The following VCF2 variants were observed in gnomAD, a reference collection of about 807,000 sequenced individuals.
The protein encoded by VCF2 is protein VCF2.
the VCF2 span, among the ~76,000 whole-genome samples, chrX:55,149,174 GTTT>G: frequency 4.4e-5 from 4 of 90,193 alleles, no homozygotes; most frequent in East Asian, 6.8e-4. Flanking sequence ...ACTGCAGGAG[GTTT>G]TTTTTTTTTT....
chrX:55,159,619 ATG>A, the VCF2 span, among the ~76,000 whole-genome samples: 2 of 112,285 alleles, frequency 1.8e-5, no homozygotes. Flanking sequence ...ATCGTAAGAC[ATG>A]TGTGTCTGCC....
chrX:55,147,874 T>C, the VCF2 span, among the ~76,000 whole-genome samples: 1 of 110,848 alleles, frequency 9.0e-6, no homozygotes, highest in East Asian at 2.8e-4. Context: ...TTTTAAAAGT[T>C]TTTAAACTCA....
chrX:55,146,416 T>C, the VCF2 span: 2 of 724,252 alleles, frequency 2.8e-6, no homozygotes, highest in Non-Finnish European at 4.2e-6. Flanking sequence ...GGCTTAATGG[T>C]TTTTACAAAG....
chrX:55,144,537 C>T, the VCF2 span, among the ~76,000 whole-genome samples: 1 of 111,568 alleles, frequency 9.0e-6, no homozygotes, highest in African/African-American at 3.3e-5. Flanking sequence ...TAAAATTCTA[C>T]TGCAAGTATC....
the VCF2 span, chrX:55,160,768 A>G: frequency 9.2e-7 from 1 of 1,090,444 alleles, no homozygotes. Context: ...AGGAAATGCC[A>G]ATTTGAAAAA....
At chrX:55,147,634 G>GTTTTTT in the VCF2 span, among the ~76,000 whole-genome samples, 203 of 54,072 alleles carry the variant, frequency 3.8e-3, no homozygotes, top group East Asian at 0.01. Context: ...GGCTTTCCTT[G>GTTTTTT]TTTTTTTTTT....
the VCF2 span, among the ~76,000 whole-genome samples, chrX:55,147,647 T>TTC: frequency 2.0e-5 from 2 of 98,065 alleles, no homozygotes; most frequent in Non-Finnish European, 4.1e-5. Context: ...TTTTTTTTTT[T>TTC]TTTTTTTTTT....
chrX:55,155,999 T>C, the VCF2 span, among the ~76,000 whole-genome samples: 1 of 101,438 alleles, frequency 9.9e-6, no homozygotes, highest in Non-Finnish European at 2.0e-5. Flanking sequence ...GCTAGAGTGC[T>C]AGAGTGCAGT....
the VCF2 span, chrX:55,160,933 G>A: frequency 8.6e-7 from 1 of 1,163,565 alleles, no homozygotes; most frequent in Non-Finnish European, 1.1e-6. Context: ...GAAGGGCGGG[G>A]CACGAGGCAA....
At chrX:55,147,634 GTTTTTTTTTTTTT>G in the VCF2 span, among the ~76,000 whole-genome samples, 2 of 54,091 alleles carry the variant, frequency 3.7e-5, no homozygotes, top group Non-Finnish European at 6.3e-5. Context: ...GGCTTTCCTT[GTTTTTTTTTTTTT>G]TTTTTTTTTT....
At chrX:55,151,449 C>T in the VCF2 span, among the ~76,000 whole-genome samples, 1 of 112,727 alleles carries the variant, frequency 8.9e-6, no homozygotes, top group Non-Finnish European at 1.9e-5. Flanking sequence ...TGGGTATTTA[C>T]AGGCACAGAT....
chrX:55,155,941 C>CTTTTTTTTTTTTTTT, the VCF2 span, among the ~76,000 whole-genome samples: 2 of 50,531 alleles, frequency 4.0e-5, no homozygotes, highest in Non-Finnish European at 9.0e-5. Context: ...TCTTCTTCTT[C>CTTTTTTTTTTTTTTT]TTTTTTTTTT....
the VCF2 span, among the ~76,000 whole-genome samples, chrX:55,156,712 G>A: frequency 1.8e-5 from 2 of 111,720 alleles, no homozygotes; most frequent in East Asian, 5.5e-4. Flanking sequence ...CAGACACTGA[G>A]TTGTAAGTTA....
the VCF2 span, among the ~76,000 whole-genome samples, chrX:55,157,745 C>T: frequency 1.8e-5 from 2 of 111,916 alleles, no homozygotes; most frequent in Non-Finnish European, 3.8e-5. Flanking sequence ...TCTTTTCCTA[C>T]TCTATACAGT....
chrX:55,159,254 T>C, the VCF2 span: 54 of 1,129,301 alleles, frequency 4.8e-5, no homozygotes, highest in African/African-American at 8.9e-4. Flanking sequence ...AAAGAGAGAG[T>C]TGTTACATGA....
chrX:55,160,560 G>A, the VCF2 span, among the ~76,000 whole-genome samples: 2 of 111,867 alleles, frequency 1.8e-5, no homozygotes, highest in South Asian at 3.7e-4. Flanking sequence ...CTGGGTGATC[G>A]GACTGTGGAT....
At chrX:55,160,227 G>C in the VCF2 span, among the ~76,000 whole-genome samples, 2 of 112,380 alleles carry the variant, frequency 1.8e-5, no homozygotes, top group Admixed American at 1.9e-4. Flanking sequence ...CACTCCTCCA[G>C]GTGCCAGGAT....
the VCF2 span, chrX:55,144,017 CTG>C: frequency 6.5e-6 from 2 of 308,030 alleles, no homozygotes; most frequent in Non-Finnish European, 1.2e-5. Context: ...AACACTTTTT[CTG>C]TGTGTATGTA....
the VCF2 span, among the ~76,000 whole-genome samples, chrX:55,147,978 A>G: frequency 9.0e-6 from 1 of 111,459 alleles, no homozygotes; most frequent in African/African-American, 3.2e-5. Context: ...TTTAAAAACA[A>G]AGAAGTATTT....
Sources: gnomAD v4.1 joint callset for allele counts (sites outside exome capture counted in the v4.1 genomes callset) on GRCh38, gnomAD v4.1.1 for gene constraint, MANE v1.5 for transcripts, NCBI Gene and HGNC (gene_info 2026-07-23, HGNC 2026-07-21) for gene names.